The following MARCHF4 variants were observed in gnomAD, a reference collection of about 807,000 sequenced individuals.
MARCHF4 encodes E3 ubiquitin-protein ligase MARCHF4.
MARCHF4 carries 14 observed loss-of-function variants against 43.9 expected under a neutral mutation model. The observed-to-expected ratio is 0.32, with a 90% CI of 0.21 to 0.50. MARCHF4 has a LOEUF of 0.50. Ranked by LOEUF, MARCHF4 falls within the 20% of genes least tolerant of loss-of-function variation. The pLI, the probability that MARCHF4 is intolerant of heterozygous loss-of-function variation, is 0.98. For synonymous variants in MARCHF4, 226 were observed against 213.3 expected (o/e 1.06, Z -0.52); for missense variants, 468 against 536.7 (o/e 0.87, Z 1.27).
intron 1 of MARCHF4, among the ~76,000 whole-genome samples, chr2:216,314,379 A>T (rs373265922): frequency 4.0e-5 from 6 of 149,572 alleles, no homozygotes; most frequent in African/African-American, 1.5e-4. Flanking sequence ...GCTGGAGTGC[A>T]GTGGTGCAAT....
At chr2:216,296,617 C>T (rs1691400197) in intron 1 of MARCHF4, among the ~76,000 whole-genome samples, 1 of 152,126 alleles carries the variant, frequency 6.6e-6, no homozygotes, top group African/African-American at 2.4e-5. Flanking sequence ...AAATGATCTG[C>T]ATTTTAAGAG....
At chr2:216,297,416 G>A (rs1691413951) in intron 1 of MARCHF4, among the ~76,000 whole-genome samples, 1 of 152,124 alleles carries the variant, frequency 6.6e-6, no homozygotes, top group Non-Finnish European at 1.5e-5. Context: ...TCATAGAACA[G>A]CCCACACCTC....
intron 1 of MARCHF4, among the ~76,000 whole-genome samples, chr2:216,295,768 G>T (rs1574466886): frequency 6.6e-6 from 1 of 152,332 alleles, no homozygotes; most frequent in East Asian, 1.9e-4. Context: ...CCTAGATCAT[G>T]TGTGTGGGTA....
At chr2:216,274,089 G>C (rs1690984564) in intron 3 of MARCHF4, among the ~76,000 whole-genome samples, 1 of 152,232 alleles carries the variant, frequency 6.6e-6, no homozygotes. Flanking sequence ...GTGGCTTTGG[G>C]CTTCCCCGAG....
intron 1 of MARCHF4, among the ~76,000 whole-genome samples, chr2:216,320,663 C>CT (rs1182007926): frequency 1.0e-5 from 1 of 96,922 alleles, no homozygotes; most frequent in Non-Finnish European, 2.1e-5. Context: ...TTCTTTCTTT[C>CT]TTTCTTTCTT....
chr2:216,366,592 C>T (rs533762744), intron 1 of MARCHF4, among the ~76,000 whole-genome samples: 2 of 152,268 alleles, frequency 1.3e-5, no homozygotes, highest in African/African-American at 4.8e-5. Context: ...ATTTCCTTCA[C>T]CTGAAATTCT....
intron 1 of MARCHF4, among the ~76,000 whole-genome samples, chr2:216,306,638 G>A (rs1043996477): frequency 5.3e-5 from 8 of 152,068 alleles, no homozygotes; most frequent in Admixed American, 1.3e-4. Flanking sequence ...GCAAGGGTAC[G>A]TTACTAACTG....
At chr2:216,343,984 T>C (rs2105975837) in intron 1 of MARCHF4, among the ~76,000 whole-genome samples, 1 of 152,220 alleles carries the variant, frequency 6.6e-6, no homozygotes, top group East Asian at 1.9e-4. Context: ...CCAGTATGGA[T>C]GGGGCCAGAG....
intron 3 of MARCHF4, among the ~76,000 whole-genome samples, chr2:216,271,969 T>C (rs1038912907): frequency 1.6e-4 from 24 of 148,408 alleles, no homozygotes; most frequent in South Asian, 4.3e-4. Context: ...TTTTTTTTTT[T>C]TTTTTTTTTT....
chr2:216,285,274 C>T (rs1691200676), intron 1 of MARCHF4, among the ~76,000 whole-genome samples: 1 of 152,192 alleles, frequency 6.6e-6, no homozygotes, highest in African/African-American at 2.4e-5. Flanking sequence ...TTGCTCAGTG[C>T]CTGGCACTCT....
intron 3 of MARCHF4, among the ~76,000 whole-genome samples, chr2:216,271,392 A>T (rs1043214820): frequency 9.9e-5 from 15 of 152,136 alleles, no homozygotes; most frequent in African/African-American, 3.4e-4. Flanking sequence ...TCTTCCTTCA[A>T]TAAGCCTTCC....
In MARCHF4 at chr2:216,349,385, G is replaced by A. The variant is rs552454500; in HGVS notation, c.516+20360C>T. The stretch of plus-strand genomic sequence containing the variant: ...TGTGGTAATTACATTACCTTTCTGA[G>A]CCTCTGCGATTGCTAGGCACAAGGT... On this transcript the variant is annotated intron_variant, in intron 1 of 3. Transcript: ENST00000273067. Among the ~76,000 whole-genome samples the A allele has an allele frequency of 3.9e-5, 6 of 152,324 alleles. No individual in the cohort carries two copies. The South Asian group carries it at 1.2e-3, about 32-fold the overall frequency.
At chr2:216,282,252 A>G (rs1358768769) in intron 2 of MARCHF4, among the ~76,000 whole-genome samples, 1 of 152,042 alleles carries the variant, frequency 6.6e-6, no homozygotes, top group Admixed American at 6.5e-5. Flanking sequence ...ACCTTCCAGA[A>G]ATGCCCTGCA....
rs561789756 is a variant in MARCHF4, at chr2:216,372,345, G to T, written c.-2085C>A. ...CGCTGCTGCATTCAGCACCCCGGGC[G>T]AGTGGACAGCTCCCACCCAGACCCC... On this transcript the variant is annotated 5_prime_UTR_variant, in exon 1 of 4. Coordinates refer to ENST00000273067, the MANE Select transcript of MARCHF4 (RefSeq NM_020814.3). Among the ~76,000 whole-genome samples the T allele has an allele frequency of 3.6e-4, 55 of 152,294 alleles. No individual in the cohort carries two copies. The highest frequency in any genetic ancestry group is 6.8e-3 in the Middle Eastern group (2 of 294).
intron 3 of MARCHF4, among the ~76,000 whole-genome samples, chr2:216,272,374 G>C (rs370048708): frequency 2.2e-4 from 34 of 152,228 alleles, no homozygotes; most frequent in African/African-American, 7.0e-4. Flanking sequence ...CCTGAATATA[G>C]GACAGGAGCA....
At chr2:216,338,212 A>T (rs1226720402) in intron 1 of MARCHF4, among the ~76,000 whole-genome samples, 1 of 152,120 alleles carries the variant, frequency 6.6e-6, no homozygotes, top group Admixed American at 6.5e-5. Flanking sequence ...AGTTTAGAAC[A>T]CTGTAGTGTA....
chr2:216,346,603 G>T lies in MARCHF4; in HGVS notation c.516+23142C>A, dbSNP rs78784691. 2.3e-4 allele frequency among the ~76,000 whole-genome samples: 35 copies of T among 152,216 alleles called. No individual in the cohort carries two copies. The East Asian group carries it at 5.2e-3, about 23-fold the overall frequency. ...AACACCACACATGTGTGCCAGAAAG[G>T]TCTGAAGGATGGGAGAAATTAACCA... On this transcript the variant is annotated intron_variant, in intron 1 of 3. Transcript: ENST00000273067.
intron 3 of MARCHF4, among the ~76,000 whole-genome samples, chr2:216,270,538 AC>A (rs1479625129): frequency 7.2e-5 from 11 of 151,932 alleles, no homozygotes; most frequent in South Asian, 4.2e-4. Flanking sequence ...TGACAAAAAA[AC>A]CTCTTCTTAG....
At chr2:216,269,079 C>G (rs1259981447) in intron 3 of MARCHF4, among the ~76,000 whole-genome samples, 1 of 152,150 alleles carries the variant, frequency 6.6e-6, no homozygotes, top group African/African-American at 2.4e-5. Flanking sequence ...CCATATTCTA[C>G]TGTTTTAAAG....
Sources: allele counts gnomAD v4.1 joint callset (sites outside exome capture counted in the v4.1 genomes callset), GRCh38; gene constraint gnomAD v4.1.1; transcripts MANE v1.5; gene names NCBI Gene and HGNC (gene_info 2026-07-23, HGNC 2026-07-21).